S100A11: variants seen among roughly 807,000 people sequenced by gnomAD.
S100A11 encodes S100 calcium binding protein A11.
In S100A11, 5 loss-of-function variants were observed where a neutral mutation model predicts 7.4. That is an observed-to-expected ratio of 0.68 (90% CI 0.35 to 1.42). The LOEUF is 1.42. S100A11 is among the 40% of genes most tolerant of loss of function. The pLI is 0.04. For synonymous variants in S100A11, 47 were observed against 46.6 expected (o/e 1.01, Z -0.04); for missense variants, 96 against 125.0 (o/e 0.77, Z 1.11).
At chr1:152,036,681 G>A (rs1287659311) in intron 1 of S100A11, among the ~76,000 whole-genome samples, 1 of 151,784 alleles carries the variant, frequency 6.6e-6, no homozygotes, top group African/African-American at 2.4e-5. Flanking sequence ...TCGTGACTGG[G>A]AAGGCTAAAG....
chr1:152,032,590 T>G lies in S100A11; in HGVS notation c.*72A>C, dbSNP rs1572128743. 3 of 1,407,246 alleles carry G rather than the reference T, an allele frequency of 2.1e-6. No individual in the cohort carries two copies. Among genetic ancestry groups the G allele is most frequent in the Non-Finnish European group, 9.8e-7 (1 of 1,016,018 alleles). 87.2% of individuals were successfully genotyped at this position (1,407,246 alleles called of 1,614,324 possible). On this transcript the variant is annotated 3_prime_UTR_variant, in exon 3 of 3. Transcript: ENST00000271638. ...GTGGTTAGTGTGCTCAGGGGATGGGTGGGCTGTGGAGATGATGACAGAAAG... is the reference window on the plus strand; with the variant it reads ...GTGGTTAGTGTGCTCAGGGGATGGGGGGGCTGTGGAGATGATGACAGAAAG...
At position 152,033,595 on chromosome 1, in the gene S100A11, C is replaced by A; in HGVS notation, c.156+53G>T. The A allele has an allele frequency of 6.4e-7, 1 of 1,569,146 alleles. No homozygotes were observed. Among genetic ancestry groups the A allele is most frequent in the Non-Finnish European group, 8.8e-7 (1 of 1,142,336 alleles). On this transcript the variant is annotated intron_variant, in intron 2 of 2. Transcript: ENST00000271638. The surrounding 1 kb of genome is among the most constrained non-coding windows in gnomAD (Gnocchi z 4.0). ...TCATTCCTGGCCATTCTGCCAGGGTCTTGTTTCATGTTGTGGGTAGTTTGG... is the reference window on the plus strand; with the variant it reads ...TCATTCCTGGCCATTCTGCCAGGGTATTGTTTCATGTTGTGGGTAGTTTGG...
rs769748265 is a variant in S100A11 at position 152,033,768 on chromosome 1, C to T, written c.36G>A (p.Arg12=). Residue 12 remains arginine, a synonymous_variant, in exon 2 of 3, where the codon CGG becomes CGA. Transcript: ENST00000271638. The surrounding 1 kb of genome is among the most constrained non-coding windows in gnomAD (Gnocchi z 4.0). ...AKISSPTETE[R]CIESLIAVFQ... ...AGACAGCAATCAGGGACTCGATGCA[C>T]CGCTCAGTCTCTGTAGGGCTGGAGA... The T allele has an allele frequency of 1.2e-6, 2 of 1,613,878 alleles. No individual in the cohort carries two copies. The highest frequency in any genetic ancestry group is 1.3e-5 in the African/African-American group (1 of 75,012).
chr1:152,036,347 C>G (rs1656829836), intron 1 of S100A11, among the ~76,000 whole-genome samples: 1 of 152,188 alleles, frequency 6.6e-6, no homozygotes, highest in African/African-American at 2.4e-5. Context: ...GACCGGGTTC[C>G]TCCCACATTC....
At chr1:152,036,145 T>G (rs1022141830) in intron 1 of S100A11, among the ~76,000 whole-genome samples, 1 of 152,194 alleles carries the variant, frequency 6.6e-6, no homozygotes, top group African/African-American at 2.4e-5. Context: ...AAAACCCGAC[T>G]TGGCCCGCGG....
In S100A11 at chr1:152,033,070, G is replaced by C. The variant is rs1278955098; in HGVS notation, c.157-247C>G. On this transcript the variant is annotated intron_variant, in intron 2 of 2. Coordinates refer to ENST00000271638, the MANE Select transcript of S100A11 (RefSeq NM_005620.2). This position sits in a 1 kb window ranked among gnomAD's most constrained non-coding sequence, Gnocchi z 4.0. ...TTTCTATGATATTAGGGGCTATTCA[G>C]TTTTGTAAAGCCAGTGGAACACTTC... is the stretch of plus-strand genomic sequence containing the variant. Among the ~76,000 whole-genome samples, 1 of 152,178 alleles carries C rather than the reference G, an allele frequency of 6.6e-6. No homozygotes were observed. The highest frequency in any genetic ancestry group is 2.4e-5 in the African/African-American group (1 of 41,442).
chr1:152,032,541 A>G lies in S100A11; in HGVS notation c.*121T>C, dbSNP rs1470792091. The stretch of plus-strand genomic sequence containing the variant: ...AAAAAAGTGACATTGCTTTATTACT[A>G]TTGGCAGGTGGGGCCTGCATGAGGT... On this transcript the variant is annotated 3_prime_UTR_variant, in exon 3 of 3. Transcript: ENST00000271638. 9.1e-6 allele frequency: 7 copies of G among 766,424 alleles called. No homozygotes were observed. Among genetic ancestry groups the G allele is most frequent in the African/African-American group, 6.9e-5 (4 of 58,180 alleles). The allele number at this position is 766,424 out of a possible 1,614,324, so 47.5% of individuals were successfully genotyped here.
intron 1 of S100A11, 56 bp downstream of exon 1, chr1:152,036,857 T>C (rs1656844226): frequency 6.6e-7 from 1 of 1,513,370 alleles, no homozygotes; most frequent in Non-Finnish European, 9.2e-7. Flanking sequence ...ATGTGGGTTT[T>C]TTTTCTTTTC....
In S100A11 at chr1:152,036,810, T is replaced by C. The variant is rs1293583399; in HGVS notation, c.3+103A>G. The C allele has an allele frequency of 2.9e-6, 3 of 1,041,118 alleles. No individual in the cohort carries two copies. In the Admixed American group the frequency reaches 5.4e-5, roughly 19 times the overall value. 64.5% of individuals were successfully genotyped at this position (1,041,118 alleles called of 1,614,324 possible). A position where few individuals can be genotyped will look rare whatever the true frequency, so the allele number is the denominator to read the frequency against. On this transcript the variant is annotated intron_variant, in intron 1 of 2. Coordinates refer to ENST00000271638, the MANE Select transcript of S100A11 (RefSeq NM_005620.2). The stretch of plus-strand genomic sequence containing the variant: ...ATTTTTCCTGCTGTTTCCTGCCACG[T>C]CCACACATAAGTCAAAGATAAAGTC...
intron 1 of S100A11, among the ~76,000 whole-genome samples, chr1:152,035,829 T>G (rs1397612715): frequency 1.3e-5 from 2 of 152,176 alleles, no homozygotes; most frequent in Admixed American, 6.5e-5. Context: ...AAATGCATGC[T>G]AAGCGCTCAA....
Position 152,032,606 on chromosome 1 carries a change from T to C in S100A11, c.*56A>G. The C allele has an allele frequency of 6.5e-7, 1 of 1,546,526 alleles. No homozygotes were observed. Among genetic ancestry groups the C allele is most frequent in the Middle Eastern group, 2.4e-4 (1 of 4,244 alleles). Reference sequence around the variant, plus strand: ...GGGGATGGGTGGGCTGTGGAGATGATGACAGAAAGGCTGGAAGGAAAGGGG... The same window carrying C: ...GGGGATGGGTGGGCTGTGGAGATGACGACAGAAAGGCTGGAAGGAAAGGGG... On this transcript the variant is annotated 3_prime_UTR_variant, in exon 3 of 3. Coordinates refer to ENST00000271638, the MANE Select transcript of S100A11 (RefSeq NM_005620.2).
chr1:152,035,391 A>G (rs914761670), intron 1 of S100A11, among the ~76,000 whole-genome samples: 1 of 152,142 alleles, frequency 6.6e-6, no homozygotes, highest in African/African-American at 2.4e-5. Flanking sequence ...CAGAATGCAG[A>G]CAGTTTTGCT....
rs1188573061 is a variant in S100A11 at position 152,032,863 on chromosome 1, T to C, written c.157-40A>G. ...ATAATTACACCTTTATATCGCATCT[T>C]CTAATGTGCTTTCAAATATGCTGCC... On this transcript the variant is annotated intron_variant, in intron 2 of 2. Transcript: ENST00000271638. 3 of 1,457,234 alleles carry C rather than the reference T, an allele frequency of 2.1e-6. No individual in the cohort carries two copies. The African/African-American group carries it at 4.2e-5, about 20-fold the overall frequency. The allele number at this position is 1,457,234 out of a possible 1,614,324, so 90.3% of individuals were successfully genotyped here. A position where few individuals can be genotyped will look rare whatever the true frequency, so the allele number is the denominator to read the frequency against.
chr1:152,036,472 C>T (rs1656831452), intron 1 of S100A11, among the ~76,000 whole-genome samples: 1 of 152,212 alleles, frequency 6.6e-6, no homozygotes, highest in Non-Finnish European at 1.5e-5. Context: ...CGACCAAGTT[C>T]TAAAATGTCC....
intron 1 of S100A11, among the ~76,000 whole-genome samples, chr1:152,036,051 C>A (rs1030922981): frequency 6.6e-6 from 1 of 152,198 alleles, no homozygotes; most frequent in Non-Finnish European, 1.5e-5. Context: ...ATAATTTTCA[C>A]ATGTCAGAAA....
chr1:152,033,949 C>T lies in S100A11; in HGVS notation c.4-149G>A, dbSNP rs1656787028. 1 of 653,040 alleles carries T rather than the reference C, an allele frequency of 1.5e-6. No homozygotes were observed. Among genetic ancestry groups the T allele is most frequent in the Non-Finnish European group, 2.7e-6 (1 of 374,942 alleles). 40.5% of individuals were successfully genotyped at this position (653,040 alleles called of 1,614,324 possible). On this transcript the variant is annotated intron_variant, in intron 1 of 2. Transcript: ENST00000271638. The surrounding 1 kb of genome is among the most constrained non-coding windows in gnomAD (Gnocchi z 4.0). The stretch of plus-strand genomic sequence containing the variant: ...AAGGGGCTGAGGGGTTCAAGACAAC[C>T]ACAAAAAGTCACACTCTGTGACCTT...
chr1:152,032,739 G>A lies in S100A11; in HGVS notation c.241C>T (p.Leu81Phe). 1.2e-6 allele frequency: 2 copies of A among 1,613,924 alleles called. No individual in the cohort carries two copies. The highest frequency in any genetic ancestry group is 1.7e-6 in the Non-Finnish European group (2 of 1,179,762). ...SDGQLDFSEFLNLIGGLAMAC... is the reference protein window; with the variant it reads ...SDGQLDFSEFFNLIGGLAMAC... ...ATAGCTAGGCCACCAATCAGATTAA[G>A]AAATTCTGAGAAATCTAGCTGACCA... Residue 81 changes from leucine (L) to phenylalanine (F), a missense_variant, in exon 3 of 3, where the codon CTT becomes TTT. Physicochemically the swap from Leu to Phe is conservative, Grantham distance 22 (BLOSUM62 0). Coordinates refer to ENST00000271638, the MANE Select transcript of S100A11 (RefSeq NM_005620.2).
rs1656846659 is a variant in S100A11 at position 152,036,947 on chromosome 1, G to T, written c.-32C>A. 1 of 1,613,218 alleles carries T rather than the reference G, an allele frequency of 6.2e-7. No individual in the cohort carries two copies. The highest frequency in any genetic ancestry group is 8.5e-7 in the Non-Finnish European group (1 of 1,179,766). On this transcript the variant is annotated 5_prime_UTR_variant, in exon 1 of 3. Transcript: ENST00000271638. The stretch of plus-strand genomic sequence containing the variant: ...GCTGAGCGAGGCGCGGGAGGCTGTG[G>T]CTGGGAGCGGCGCTGAGAGCTCTGT...
chr1:152,033,853 A>G lies in S100A11; in HGVS notation c.4-53T>C. On this transcript the variant is annotated intron_variant, in intron 1 of 2. Transcript: ENST00000271638. The surrounding 1 kb of genome is among the most constrained non-coding windows in gnomAD (Gnocchi z 4.0). ...AGACAAGGGAAGATGTCAAGGCTGG[A>G]TACTGGAGAAAACTCCAGGGACTCT... 6.6e-7 allele frequency: 1 copy of G among 1,525,746 alleles called. No individual in the cohort carries two copies. Among genetic ancestry groups the G allele is most frequent in the Non-Finnish European group, 9.1e-7 (1 of 1,102,552 alleles). 94.5% of individuals were successfully genotyped at this position (1,525,746 alleles called of 1,614,324 possible).
Sources: allele counts gnomAD v4.1 joint callset (sites outside exome capture counted in the v4.1 genomes callset), GRCh38; gene constraint gnomAD v4.1.1; non-coding constraint Gnocchi (gnomAD v3.1); transcripts MANE v1.5; gene names NCBI Gene and HGNC (gene_info 2026-07-23, HGNC 2026-07-21).